Variants in KCNH1 observed in about 807,000 individuals in gnomAD.
The protein encoded by KCNH1 is voltage-gated delayed rectifier potassium channel KCNH1.
Under a neutral mutation model 69.2 loss-of-function variants are expected in KCNH1, and 27 were observed. That is an observed-to-expected ratio of 0.39 (90% confidence interval 0.29 to 0.54). KCNH1 has a LOEUF of 0.54. KCNH1 is among the 20% of genes least tolerant of loss of function. KCNH1 has a pLI of 0.68. For synonymous variants in KCNH1, 456 were observed against 487.7 expected (o/e 0.93, Z 0.86); for missense variants, 798 against 1,261.6 (o/e 0.63, Z 5.57).
chr1:210,859,445 T>C, intron 7 of KCNH1: 2 of 1,609,322 alleles, frequency 1.2e-6, no homozygotes, highest in Non-Finnish European at 1.7e-6. Flanking sequence ...TCATCATCAA[T>C]GATTGTGGAA....
intron 3 of KCNH1, among the ~76,000 whole-genome samples, chr1:211,096,078 T>TATTTATTTATTTA (rs59192858): frequency 1.3e-5 from 2 of 151,882 alleles, no homozygotes; most frequent in South Asian, 2.1e-4. Context: ...TTTATTTATT[T>TATTTATTTATTTA]TTTGAGATGG....
chr1:210,871,729 A>T (rs992200618), intron 7 of KCNH1, among the ~76,000 whole-genome samples: 1 of 151,916 alleles, frequency 6.6e-6, no homozygotes, highest in Non-Finnish European at 1.5e-5. Context: ...GCCATAAAAA[A>T]GGATGAGTTC....
At chr1:210,897,414 C>T (rs963649853) in intron 7 of KCNH1, among the ~76,000 whole-genome samples, 5 of 152,136 alleles carry the variant, frequency 3.3e-5, no homozygotes, top group Admixed American at 1.3e-4. Context: ...TACAAACCAA[C>T]GGGAGCTTAC....
chr1:210,898,720 T>G (rs1243546667), intron 7 of KCNH1, among the ~76,000 whole-genome samples: 1 of 150,638 alleles, frequency 6.6e-6, no homozygotes, highest in Non-Finnish European at 1.5e-5. Context: ...CAGATACACC[T>G]CACAGTAAAT....
rs571467975 is a variant in KCNH1 at position 210,868,115 on chromosome 1, A to G, written c.1462+51525T>C. Among the ~76,000 whole-genome samples, 50 of 152,104 alleles carry G rather than the reference A, an allele frequency of 3.3e-4. No individual in the cohort carries two copies. The Middle Eastern group carries it at 0.01, about 31-fold the overall frequency. On this transcript the variant is annotated intron_variant, in intron 7 of 10. Transcript: ENST00000271751. Reference sequence around the variant, plus strand: ...CCAAAATGTTAATACTATTCTACATACCCACAAGCAATATATGTAAGTCTT... The same window carrying G: ...CCAAAATGTTAATACTATTCTACATGCCCACAAGCAATATATGTAAGTCTT...
At chr1:210,839,989 G>A (rs1184213967) in intron 7 of KCNH1, among the ~76,000 whole-genome samples, 2 of 152,166 alleles carry the variant, frequency 1.3e-5, no homozygotes, top group Non-Finnish European at 1.5e-5. Flanking sequence ...GTGAGAGTGA[G>A]AGAGTGAGAG....
intron 7 of KCNH1, among the ~76,000 whole-genome samples, chr1:210,879,719 G>T (rs536643108): frequency 6.6e-6 from 1 of 151,902 alleles, no homozygotes; most frequent in Non-Finnish European, 1.5e-5. Flanking sequence ...GTCTCTTCTC[G>T]CTACTGTTTT....
intron 6 of KCNH1, among the ~76,000 whole-genome samples, chr1:210,999,973 G>A (rs1034468537): frequency 1.3e-5 from 2 of 152,046 alleles, no homozygotes; most frequent in African/African-American, 2.4e-5. Context: ...AACCCTTCAT[G>A]TTAAAAACCC....
intron 9 of KCNH1, among the ~76,000 whole-genome samples, chr1:210,787,570 GT>G (rs1251012852): frequency 6.6e-6 from 1 of 152,150 alleles, no homozygotes; most frequent in African/African-American, 2.4e-5. Context: ...TGTTAAGTTA[GT>G]CCAGGATATG....
intron 6 of KCNH1, among the ~76,000 whole-genome samples, chr1:210,997,716 T>C (rs1471508785): frequency 6.6e-6 from 1 of 152,126 alleles, no homozygotes; most frequent in Non-Finnish European, 1.5e-5. Flanking sequence ...ATTGTCAGAT[T>C]CACCAACGTT....
At chr1:210,902,105 A>G (rs2102536963) in intron 7 of KCNH1, among the ~76,000 whole-genome samples, 1 of 152,302 alleles carries the variant, frequency 6.6e-6, no homozygotes, top group East Asian at 1.9e-4. Flanking sequence ...ATCAAATGCC[A>G]GTAAGTCAAC....
chr1:211,071,939 C>T (rs1296224674), intron 5 of KCNH1, among the ~76,000 whole-genome samples: 1 of 151,976 alleles, frequency 6.6e-6, no homozygotes, highest in African/African-American at 2.4e-5. Context: ...AAAAAAAAAC[C>T]CACCAACCTA....
chr1:210,699,752 A>G (rs1681728575), intron 10 of KCNH1, among the ~76,000 whole-genome samples: 1 of 152,224 alleles, frequency 6.6e-6, no homozygotes. Flanking sequence ...TGGAGTAAAG[A>G]ATAATAAAAA....
chr1:211,072,390 T>C (rs1270921868), intron 5 of KCNH1, among the ~76,000 whole-genome samples: 1 of 152,186 alleles, frequency 6.6e-6, no homozygotes, highest in Non-Finnish European at 1.5e-5. Flanking sequence ...TTGAGAATGA[T>C]ATAGGTCAGA....
At chr1:210,860,373 G>T (rs1161281538) in intron 7 of KCNH1, 6 of 1,420,634 alleles carry the variant, frequency 4.2e-6, no homozygotes, top group Non-Finnish European at 6.0e-6. Context: ...TGACCTGTAA[G>T]CAGATTCCCT....
chr1:210,984,284 G>A (rs888368011), intron 6 of KCNH1, among the ~76,000 whole-genome samples: 1 of 152,048 alleles, frequency 6.6e-6, no homozygotes, highest in Non-Finnish European at 1.5e-5. Context: ...CTGCCTGATT[G>A]CCCTGGCCAG....
At chr1:211,023,090 G>A (rs968347616) in intron 5 of KCNH1, among the ~76,000 whole-genome samples, 3 of 151,154 alleles carry the variant, frequency 2.0e-5, no homozygotes, top group East Asian at 1.9e-4. Context: ...CAGCCTGGGC[G>A]ACAGAGCTAG....
intron 9 of KCNH1, among the ~76,000 whole-genome samples, chr1:210,793,977 C>T (rs1684259261): frequency 6.6e-6 from 1 of 152,156 alleles, no homozygotes; most frequent in African/African-American, 2.4e-5. Flanking sequence ...ACCCCTATGA[C>T]AGTGCCTGGC....
At chr1:210,742,770 C>A (rs1016509074) in intron 10 of KCNH1, among the ~76,000 whole-genome samples, 8 of 152,102 alleles carry the variant, frequency 5.3e-5, no homozygotes, top group African/African-American at 7.2e-5. Context: ...CTGTCTAATG[C>A]AGAGCAAAAG....
Sources: allele counts gnomAD v4.1 joint callset (sites outside exome capture counted in the v4.1 genomes callset), GRCh38; gene constraint gnomAD v4.1.1; transcripts MANE v1.5; gene names NCBI Gene and HGNC (gene_info 2026-07-23, HGNC 2026-07-21).